The following DCAF4 variants were observed in gnomAD, a reference collection of about 807,000 sequenced individuals.
DCAF4 encodes the protein DDB1- and CUL4-associated factor 4.
Under a neutral mutation model 60.9 loss-of-function variants are expected in DCAF4, and 37 were observed. The ratio of observed to expected loss-of-function variants is 0.61; its 90% CI spans 0.47 to 0.80. The LOEUF (loss-of-function observed/expected upper bound fraction) is 0.80, where lower values mean the gene tolerates loss of function less well. Among genes scored for constraint, DCAF4 ranks in the 30% least tolerant of loss-of-function variants. The pLI is 0.00. For synonymous variants in DCAF4, 243 were observed against 254.8 expected (o/e 0.95, Z 0.44); for missense variants, 577 against 650.0 (o/e 0.89, Z 1.22).
downstream of DCAF4, chr14:72,961,753 A>G (rs1251450378): frequency 1.5e-5 from 13 of 874,996 alleles, no homozygotes; most frequent in Non-Finnish European, 1.8e-5. Context: ...GAATGCAGTG[A>G]CTACACCTGG....
downstream of DCAF4, chr14:72,960,589 C>G (rs1357615600): frequency 1.0e-5 from 11 of 1,054,118 alleles, no homozygotes; most frequent in Non-Finnish European, 1.3e-5. Context: ...TTCTCTTTCC[C>G]ACATTCAGGA....
intron 1 of DCAF4, among the ~76,000 whole-genome samples, chr14:72,928,452 C>T (rs186158464): frequency 1.7e-4 from 26 of 151,606 alleles, no homozygotes; most frequent in Non-Finnish European, 3.5e-4. Flanking sequence ...GCCTCGGCCT[C>T]CCAAAGTGCT....
At position 72,938,029 on chromosome 14, in the gene DCAF4, C is replaced by G. The variant is rs1195734484; in HGVS notation, c.51C>G (p.His17Gln). The G allele has an allele frequency of 1.2e-6, 2 of 1,611,340 alleles. No homozygotes were observed. The highest frequency in any genetic ancestry group is 4.5e-5 in the East Asian group (2 of 44,784). ...QSRRRHGRRS[H>Q]QQNPWFRLRD... ...GAAGACGACATGGGAGAAGAAGCCACCAGCAGAACCCTTGGTTCAGACTCC... is the reference window on the plus strand; with the variant it reads ...GAAGACGACATGGGAGAAGAAGCCAGCAGCAGAACCCTTGGTTCAGACTCC... The change falls in exon 2 of 14, where the codon CAC (histidine) becomes CAG (glutamine). Residue 17 changes from histidine (H) to glutamine (Q), a missense_variant. His to Gln is a conservative substitution (Grantham distance 24, BLOSUM62 0). Coordinates refer to ENST00000358377, the MANE Select transcript of DCAF4 (RefSeq NM_015604.4).
At chr14:72,954,753 A>G (rs1332925979) in intron 11 of DCAF4, among the ~76,000 whole-genome samples, 1 of 152,156 alleles carries the variant, frequency 6.6e-6, no homozygotes. Flanking sequence ...AGTAGGACAA[A>G]CCATTTTTAA....
downstream of DCAF4, chr14:72,960,770 A>G: frequency 1.3e-6 from 1 of 762,788 alleles, no homozygotes. Context: ...TGAGGGGAAG[A>G]GGCCCAGGGA....
At position 72,954,480 on chromosome 14, in the gene DCAF4, C is replaced by T. The variant is rs775241247; in HGVS notation, c.1002C>T (p.Leu334=). 8.7e-6 allele frequency: 14 copies of T among 1,614,202 alleles called. No individual in the cohort carries two copies. In the Middle Eastern group the frequency reaches 4.9e-4, roughly 57 times the overall value. ...NSDVLAQQFA[L]MAPLLFNGCR... ...ATGTCTTGGCCCAGCAGTTTGCTCTCATGGTTGGTTGGATTGGGACAGGCA... is the reference window on the plus strand; with the variant it reads ...ATGTCTTGGCCCAGCAGTTTGCTCTTATGGTTGGTTGGATTGGGACAGGCA... Residue 334 remains leucine, a synonymous_variant, in exon 11 of 14, where the codon CTC becomes CTT. Coordinates refer to ENST00000358377, the MANE Select transcript of DCAF4 (RefSeq NM_015604.4).
chr14:72,956,390 A>G lies in DCAF4; in HGVS notation c.1184A>G (p.Lys395Arg), dbSNP rs749949094. 1 of 1,605,186 alleles carries G rather than the reference A, an allele frequency of 6.2e-7. No homozygotes were observed. Among genetic ancestry groups the G allele is most frequent in the South Asian group, 1.1e-5 (1 of 89,572 alleles). Residue 395 changes from lysine (K) to arginine (R), a missense_variant, in exon 13 of 14, where the codon AAG (lysine) becomes AGG (arginine). Transcript: ENST00000358377. ...CCCCTGGTGCTTTTTCCACAGATCA[A>G]GCTGTGGGACCTGAGGACCACGAAG... is the stretch of plus-strand genomic sequence containing the variant. The part of the protein sequence containing the change: ...LMASDMAGKI[K>R]LWDLRTTKCV...
intron 1 of DCAF4, 191 bp downstream of exon 1, chr14:72,926,734 G>T (rs889705124): frequency 6.6e-6 from 1 of 152,312 alleles, no homozygotes; most frequent in Non-Finnish European, 1.5e-5. Context: ...GGCGCGCTCC[G>T]CCCGTTCTGG....
At chr14:72,955,178 C>T (rs537686656) in intron 11 of DCAF4, among the ~76,000 whole-genome samples, 5 of 151,978 alleles carry the variant, frequency 3.3e-5, no homozygotes, top group African/African-American at 1.2e-4. Context: ...GCCGTCTTCC[C>T]TTAAAAGTGA....
chr14:72,956,211 G>A (rs1892278279), intron 12 of DCAF4, among the ~76,000 whole-genome samples, 175 bp from the exon 13 acceptor site: 3 of 152,054 alleles, frequency 2.0e-5, no homozygotes, highest in Admixed American at 2.0e-4. Context: ...ATGAGCCACC[G>A]TGCCCGGCCT....
chr14:72,958,676 C>T lies in DCAF4; in HGVS notation c.1359C>T (p.Pro453=), dbSNP rs546073454. The change falls in exon 14 of 14, where the codon CCC becomes CCT. Residue 453 remains proline, a synonymous_variant. Coordinates refer to ENST00000358377, the MANE Select transcript of DCAF4 (RefSeq NM_015604.4). ...ATGCCCGCCTACTGAGAACCATACC[C>T]TCCCCGTACCCTGCCTCCAAGGCCG... ...LHDARLLRTI[P]SPYPASKADI... is the part of the protein sequence containing the mutation. The T allele has an allele frequency of 1.2e-5, 19 of 1,614,238 alleles. No homozygotes were observed. The Admixed American group carries it at 2.7e-4, about 23-fold the overall frequency.
chr14:72,945,584 TC>T (rs1042098706), intron 6 of DCAF4, among the ~76,000 whole-genome samples: 6 of 152,268 alleles, frequency 3.9e-5, no homozygotes, highest in Non-Finnish European at 8.8e-5. Flanking sequence ...GCTAGGGCTC[TC>T]CCAAACCCAC....
rs549625610 is a variant in DCAF4 at position 72,955,846 on chromosome 14, A to G, written c.1179+150A>G. The G allele has an allele frequency of 4.5e-4, 300 of 671,328 alleles. 1 individual carries two copies. The African/African-American group carries it at 5.0e-3, about 11-fold the overall frequency. 41.6% of individuals were successfully genotyped at this position (671,328 alleles called of 1,614,324 possible). On this transcript the variant is annotated intron_variant, in intron 12 of 13. Coordinates refer to ENST00000358377, the MANE Select transcript of DCAF4 (RefSeq NM_015604.4). ...AGTGATTTGTAGGCCCTGCATGGGG[A>G]CTGCTTCGTTGACCATATGAGCCTA...
intron 7 of DCAF4, among the ~76,000 whole-genome samples, chr14:72,946,527 C>T (rs1414970685): frequency 6.6e-6 from 1 of 152,224 alleles, no homozygotes; most frequent in Non-Finnish European, 1.5e-5. Flanking sequence ...GCTTGTTTAA[C>T]TGGTCCTCAG....
chr14:72,953,880 T>C (rs1220432974), intron 9 of DCAF4, among the ~76,000 whole-genome samples: 1 of 144,838 alleles, frequency 6.9e-6, no homozygotes, highest in African/African-American at 2.6e-5. Context: ...TGATCGAGGA[T>C]CGGAGCCACC....
chr14:72,956,540 A>G, intron 13 of DCAF4, 40 bp downstream of exon 13: 1 of 1,564,376 alleles, frequency 6.4e-7, no homozygotes, highest in Admixed American at 1.9e-5. Flanking sequence ...CCCATCAAAT[A>G]CTGTCTCTCA....
chr14:72,929,203 G>A (rs1037107762), intron 1 of DCAF4, among the ~76,000 whole-genome samples: 33 of 152,284 alleles, frequency 2.2e-4, no homozygotes, highest in Admixed American at 1.2e-3. Flanking sequence ...GCAGGAAAGA[G>A]CCTGTAATTC....
intron 13 of DCAF4, chr14:72,956,760 G>A: frequency 2.4e-6 from 1 of 413,340 alleles, no homozygotes; most frequent in Non-Finnish European, 4.5e-6. Context: ...GGCAGGTGGG[G>A]AGGTCCTGGG....
intron 4 of DCAF4, among the ~76,000 whole-genome samples, chr14:72,941,237 T>C (rs1205483935): frequency 6.6e-6 from 1 of 152,108 alleles, no homozygotes; most frequent in African/African-American, 2.4e-5. Context: ...AAGTGTGGGA[T>C]TAGAGGTGTG....
Sources: gnomAD v4.1 joint callset for allele counts (sites outside exome capture counted in the v4.1 genomes callset) on GRCh38, gnomAD v4.1.1 for gene constraint, MANE v1.5 for transcripts, NCBI Gene and HGNC (gene_info 2026-07-23, HGNC 2026-07-21) for gene names.